The following FRY variants were observed in gnomAD, a reference collection of about 807,000 sequenced individuals.
The protein encoded by FRY is protein furry homolog.
A neutral mutation model predicts 348.4 loss-of-function variants in FRY; 128 were observed. The ratio of observed to expected loss-of-function variants is 0.37; its 90% confidence interval spans 0.32 to 0.43. The LOEUF (loss-of-function observed/expected upper bound fraction) is 0.43. Among genes scored for constraint, FRY ranks in the 20% least tolerant of loss-of-function variants. FRY has a pLI of 1.00. For missense variants in FRY, 2,736 were observed against 3,695.2 expected (o/e 0.74, Z 6.73); for synonymous variants, 1,370 against 1,374.7 (o/e 1.00, Z 0.08).
chr13:32,248,531 T>TAA (rs11375460), intron 48 of FRY, among the ~76,000 whole-genome samples: 95 of 148,532 alleles, frequency 6.4e-4, no homozygotes, highest in South Asian at 5.4e-3. Flanking sequence ...TAAAGTATAT[T>TAA]AAAAAAAAAA....
At chr13:32,101,010 A>G (rs1344665389) in intron 2 of FRY, among the ~76,000 whole-genome samples, 2 of 152,206 alleles carry the variant, frequency 1.3e-5, no homozygotes, top group African/African-American at 4.8e-5. Context: ...GCCATAGCAC[A>G]ATACATTATT....
intron 33 of FRY, 145 bp from the exon 34 acceptor site, chr13:32,210,721 T>G: frequency 1.4e-6 from 1 of 709,240 alleles, no homozygotes; most frequent in East Asian, 2.7e-5. Context: ...AAGTCCTTGG[T>G]CCATCCTAGG....
At chr13:32,137,831 CT>C (rs896186696) in intron 11 of FRY, among the ~76,000 whole-genome samples, 5 of 151,140 alleles carry the variant, frequency 3.3e-5, no homozygotes, top group African/African-American at 4.9e-5. Flanking sequence ...TACACGTTAC[CT>C]TTTTTTTTCT....
Position 32,267,341 on chromosome 13 carries a change from G to A in FRY, c.8118G>A (p.Val2706=), listed in dbSNP as rs916291015. 8.1e-6 allele frequency: 13 copies of A among 1,613,904 alleles called. No individual in the cohort carries two copies. Among genetic ancestry groups the A allele is most frequent in the Non-Finnish European group, 1.1e-5 (13 of 1,179,948 alleles). The change falls in exon 55 of 61, where the codon GTG becomes GTA. Residue 2706 remains valine, a synonymous_variant. Transcript: ENST00000542859. The part of the protein sequence containing the change: ...DGSCAVYTFH[V]FSSLFKNIQK... ...CCTGTGCTGTGTATACATTTCATGT[G>A]TTCTCCTCCTTGTTTAAGGTATGTG...
intron 3 of FRY, among the ~76,000 whole-genome samples, chr13:32,103,067 T>C (rs1877270729): frequency 7.2e-5 from 11 of 152,180 alleles, no homozygotes; most frequent in Admixed American, 7.2e-4. Context: ...ACAAAATCCT[T>C]TGTTTTCTAT....
At chr13:32,194,928 T>A (rs1883584955) in intron 29 of FRY, among the ~76,000 whole-genome samples, 1 of 152,088 alleles carries the variant, frequency 6.6e-6, no homozygotes, top group South Asian at 2.1e-4. Flanking sequence ...ATCAGAAAAA[T>A]TGAGGGAAAC....
chr13:32,174,102 A>G (rs1349815833), intron 19 of FRY, among the ~76,000 whole-genome samples: 1 of 152,210 alleles, frequency 6.6e-6, no homozygotes, highest in African/African-American at 2.4e-5. Flanking sequence ...CAGAGAAAAC[A>G]CTTATTGCTA....
Position 32,254,273 on chromosome 13 carries a change from G to A in FRY, c.7295G>A (p.Ser2432Asn). 1 of 1,614,100 alleles carries A rather than the reference G, an allele frequency of 6.2e-7. No individual in the cohort carries two copies. The highest frequency in any genetic ancestry group is 2.2e-5 in the East Asian group (1 of 44,872). ...CTGGATCTGCTTGAGCACCAGACAAGCTTGGTATCTTCTGAGGACGGTGCC... is the reference window on the plus strand; with the variant it reads ...CTGGATCTGCTTGAGCACCAGACAAACTTGGTATCTTCTGAGGACGGTGCC... ...GDLDLLEHQT[S>N]LVSSEDGARE... Residue 2432 changes from serine (S) to asparagine (N), a missense_variant, in exon 51 of 61, where the codon AGC becomes AAC. By Grantham distance (46) the Ser-to-Asn change is conservative (BLOSUM62 1). This residue lies in a region of FRY where 789 missense variants were observed against 996.2 expected (regional missense o/e 0.79). Transcript: ENST00000542859.
At chr13:32,282,659 A>T (rs1349196946) in intron 58 of FRY, among the ~76,000 whole-genome samples, 1 of 152,210 alleles carries the variant, frequency 6.6e-6, no homozygotes, top group African/African-American at 2.4e-5. Context: ...TGTGAAAGAC[A>T]ATATATATCT....
At chr13:32,208,483 A>G (rs1007044480) in intron 31 of FRY, among the ~76,000 whole-genome samples, 2 of 152,250 alleles carry the variant, frequency 1.3e-5, no homozygotes, top group African/African-American at 4.8e-5. Flanking sequence ...TAACTAGCCC[A>G]GAGTCACATG....
intron 16 of FRY, among the ~76,000 whole-genome samples, chr13:32,158,011 T>C (rs564890295): frequency 1.3e-5 from 2 of 152,346 alleles, no homozygotes; most frequent in East Asian, 3.9e-4. Context: ...TTAAATTACA[T>C]TTGATAGCTG....
At chr13:32,229,033 A>G (rs1416277041) in intron 40 of FRY, among the ~76,000 whole-genome samples, 3 of 152,222 alleles carry the variant, frequency 2.0e-5, no homozygotes, top group Non-Finnish European at 4.4e-5. Context: ...TTCACTCTGG[A>G]AATCAAGGAT....
chr13:32,137,118 G>A (rs1879770673), intron 11 of FRY, 146 bp downstream of exon 11: 1 of 659,948 alleles, frequency 1.5e-6, no homozygotes, highest in South Asian at 1.7e-5. Flanking sequence ...ATTAATAAGA[G>A]TTCTTATTAA....
intron 40 of FRY, among the ~76,000 whole-genome samples, chr13:32,229,454 TC>T (rs1487362007): frequency 1.3e-5 from 2 of 152,230 alleles, no homozygotes; most frequent in Non-Finnish European, 2.9e-5. Flanking sequence ...GTATTTTCTT[TC>T]CACAATTCAT....
chr13:32,106,528 A>C (rs117326986), intron 3 of FRY, among the ~76,000 whole-genome samples: 3,684 of 152,334 alleles, frequency 0.024, 57 homozygotes, highest in Non-Finnish European at 0.037. Flanking sequence ...TTACATTCTC[A>C]AAGTCCAGTA....
intron 15 of FRY, among the ~76,000 whole-genome samples, chr13:32,156,828 ATTT>A (rs1224718646): frequency 1.3e-5 from 2 of 152,066 alleles, no homozygotes; most frequent in Non-Finnish European, 2.9e-5. Flanking sequence ...ATATGAAGTT[ATTT>A]TATTTTACTA....
At chr13:32,158,293 T>C (rs549188952) in intron 16 of FRY, among the ~76,000 whole-genome samples, 2 of 152,322 alleles carry the variant, frequency 1.3e-5, no homozygotes, top group Admixed American at 1.3e-4. Context: ...CTTGGATCAA[T>C]GTGATTCCTT....
intron 2 of FRY, among the ~76,000 whole-genome samples, chr13:32,101,230 C>T (rs1877143375): frequency 1.3e-5 from 2 of 152,136 alleles, no homozygotes; most frequent in African/African-American, 4.8e-5. Flanking sequence ...TCTTTCTGTG[C>T]CTGGCTTATA....
At chr13:32,201,523 A>G (rs549254988) in intron 29 of FRY, among the ~76,000 whole-genome samples, 9 of 152,344 alleles carry the variant, frequency 5.9e-5, no homozygotes, top group Admixed American at 2.0e-4. Context: ...TTGGCACTTA[A>G]TAAATTTAGA....
Sources: allele counts gnomAD v4.1 joint callset (sites outside exome capture counted in the v4.1 genomes callset), GRCh38; gene constraint gnomAD v4.1.1; regional missense constraint gnomAD v4.1.1; transcripts MANE v1.5; gene names NCBI Gene and HGNC (gene_info 2026-07-23, HGNC 2026-07-21).